Variants in DAB1 observed in about 807,000 individuals in gnomAD.
The protein encoded by DAB1 is DAB adaptor protein 1, also known as disabled homolog 1.
In DAB1, 15 loss-of-function variants were observed where a neutral mutation model predicts 64.6. The observed-to-expected ratio is 0.23, with a 90% CI of 0.16 to 0.36. The LOEUF (loss-of-function observed/expected upper bound fraction) is 0.36. Among genes scored for constraint, DAB1 ranks in the 10% least tolerant of loss-of-function variants. The pLI, the probability that DAB1 is intolerant of heterozygous loss-of-function variation, is 1.00. For synonymous variants in DAB1, 235 were observed against 251.9 expected (o/e 0.93, Z 0.64); for missense variants, 596 against 706.7 (o/e 0.84, Z 1.78).
At chr1:58,400,187 A>G (rs1416956954) in intron 3 of DAB1, among the ~76,000 whole-genome samples, 1 of 151,514 alleles carries the variant, frequency 6.6e-6, no homozygotes, top group African/African-American at 2.4e-5. Context: ...TTCTCTCAAC[A>G]GAAACCAGCT....
At chr1:57,762,965 A>G (rs1649151051) in intron 6 of DAB1, among the ~76,000 whole-genome samples, 1 of 152,352 alleles carries the variant, frequency 6.6e-6, no homozygotes, top group African/African-American at 2.4e-5. Context: ...TGCAGAAGTG[A>G]AAGGCACCAT....
intron 2 of DAB1, among the ~76,000 whole-genome samples, chr1:58,514,498 T>A (rs567630624): frequency 3.9e-5 from 6 of 152,314 alleles, no homozygotes; most frequent in African/African-American, 1.2e-4. Context: ...ACAAAGCTCC[T>A]GTTAGCCATC....
chr1:58,332,356 CCTT>C (rs1195236694), intron 4 of DAB1, among the ~76,000 whole-genome samples: 1 of 152,146 alleles, frequency 6.6e-6, no homozygotes, highest in African/African-American at 2.4e-5. Flanking sequence ...CCCCAGGTTT[CCTT>C]CTTCAGGCAG....
chr1:57,447,696 T>C (rs578011594), intron 7 of DAB1, among the ~76,000 whole-genome samples: 112 of 152,266 alleles, frequency 7.4e-4, no homozygotes, highest in African/African-American at 2.6e-3. Context: ...CAAAAGAAAA[T>C]GCAGTCTCCT....
intron 5 of DAB1, among the ~76,000 whole-genome samples, chr1:58,119,585 A>G (rs976690214): frequency 1.3e-5 from 2 of 152,226 alleles, no homozygotes; most frequent in Non-Finnish European, 2.9e-5. Flanking sequence ...TGATGGACAG[A>G]GCAGAGAAAA....
intron 1 of DAB1, among the ~76,000 whole-genome samples, chr1:57,417,931 G>C (rs913393565): frequency 6.6e-6 from 1 of 152,140 alleles, no homozygotes; most frequent in African/African-American, 2.4e-5. Context: ...CAGCCTTCAA[G>C]ACCTAGGTGA....
chr1:57,684,678 A>G (rs1487115592), intron 6 of DAB1, among the ~76,000 whole-genome samples: 3 of 152,202 alleles, frequency 2.0e-5, no homozygotes. Flanking sequence ...ACTTAAACAC[A>G]TAGCCCACAG....
chr1:57,821,382 T>G (rs2101895515), downstream of DAB1, among the ~76,000 whole-genome samples: 1 of 152,270 alleles, frequency 6.6e-6, no homozygotes, highest in South Asian at 2.1e-4. Context: ...TGACTGATGT[T>G]TATCAAAAGC....
intron 5 of DAB1, among the ~76,000 whole-genome samples, chr1:58,058,636 C>T (rs1031742363): frequency 6.6e-6 from 1 of 152,088 alleles, no homozygotes; most frequent in African/African-American, 2.4e-5. Context: ...GCAGGGCTCT[C>T]GAAGGCTATG....
At chr1:58,489,609 T>C (rs6661832) in intron 3 of DAB1, among the ~76,000 whole-genome samples, 44,724 of 152,112 alleles carry the variant, frequency 0.29, 7,183 homozygotes, top group African/African-American at 0.41. Flanking sequence ...TCTCCCAGCA[T>C]GCAGCTTGAG....
intron 7 of DAB1, among the ~76,000 whole-genome samples, chr1:57,521,533 A>T (rs1459732021): frequency 1.3e-5 from 2 of 152,134 alleles, no homozygotes; most frequent in East Asian, 3.9e-4. Context: ...GGAATGATAC[A>T]AGAGTCAAAT....
chr1:57,354,681 G>A (rs1678917280), intron 1 of DAB1, among the ~76,000 whole-genome samples: 1 of 152,052 alleles, frequency 6.6e-6, no homozygotes, highest in Admixed American at 6.6e-5. Context: ...CTGAGAGTCT[G>A]AAAAAGGAAG....
In DAB1 at chr1:57,047,966, T is replaced by C. The variant is rs530806454; in HGVS notation, c.723+14918A>G. 3.3e-5 allele frequency among the ~76,000 whole-genome samples: 5 copies of C among 152,370 alleles called. No homozygotes were observed. The East Asian group carries it at 7.7e-4, about 24-fold the overall frequency. On this transcript the variant is annotated intron_variant, in intron 9 of 14. Coordinates refer to ENST00000371236, the MANE Select transcript of DAB1 (RefSeq NM_001365792.1). The stretch of plus-strand genomic sequence containing the variant: ...AGTCCTTTGTCTACATCATAGTTCA[T>C]AATAATAACTCTGGCTGACATTTAT...
intron 4 of DAB1, among the ~76,000 whole-genome samples, chr1:57,133,749 A>G (rs929274241): frequency 6.6e-6 from 1 of 152,216 alleles, no homozygotes; most frequent in Non-Finnish European, 1.5e-5. Context: ...GTTTTTAAAA[A>G]AAGTGCAGTC....
chr1:57,155,747 ATCTT>A (rs886925601), intron 2 of DAB1, among the ~76,000 whole-genome samples: 1 of 124,704 alleles, frequency 8.0e-6, no homozygotes, highest in African/African-American at 3.3e-5. Flanking sequence ...CAATACAGAG[ATCTT>A]TCTTTTTTTT....
At chr1:58,230,586 C>T (rs887830801) in intron 4 of DAB1, among the ~76,000 whole-genome samples, 2 of 152,230 alleles carry the variant, frequency 1.3e-5, no homozygotes, top group Non-Finnish European at 2.9e-5. Context: ...GGGGCACCCT[C>T]TTACAAGGAT....
rs1241386607 is a variant in DAB1, at chr1:57,220,839, C to T, written c.67+70125G>A. 3.3e-5 allele frequency among the ~76,000 whole-genome samples: 5 copies of T among 152,278 alleles called. No individual in the cohort carries two copies. The East Asian group carries it at 5.8e-4, about 18-fold the overall frequency. On this transcript the variant is annotated intron_variant, in intron 2 of 14. Transcript: ENST00000371236. ...TCAACCATCGTGGAAGACAGTGTGG[C>T]GATTCCTCAAGGATCTAGAACTAGA...
intron 3 of DAB1, among the ~76,000 whole-genome samples, chr1:58,437,118 C>T (rs1201593592): frequency 2.6e-5 from 4 of 152,196 alleles, no homozygotes; most frequent in Non-Finnish European, 4.4e-5. Flanking sequence ...CCTCTCTTAT[C>T]TCATTACCAC....
intron 1 of DAB1, among the ~76,000 whole-genome samples, chr1:57,871,288 A>G (rs1165565142): frequency 2.0e-5 from 3 of 152,198 alleles, no homozygotes; most frequent in Non-Finnish European, 4.4e-5. Context: ...CTAAGAGGTA[A>G]TAATAGTTTC....
Sources: allele counts gnomAD v4.1 joint callset (sites outside exome capture counted in the v4.1 genomes callset), GRCh38; gene constraint gnomAD v4.1.1; transcripts MANE v1.5; gene names NCBI Gene and HGNC (gene_info 2026-07-23, HGNC 2026-07-21).